PLA2R1: variants seen among roughly 807,000 people sequenced by gnomAD.
PLA2R1 encodes the protein secretory phospholipase A2 receptor.
Under a neutral mutation model 195.9 loss-of-function variants are expected in PLA2R1, and 158 were observed. The ratio of observed to expected loss-of-function variants is 0.81; its 90% CI spans 0.71 to 0.92. The LOEUF is 0.92. Ranked by LOEUF, PLA2R1 falls within the 40% of genes least tolerant of loss-of-function variation. The pLI is 0.00. For synonymous variants in PLA2R1, 586 were observed against 598.2 expected (o/e 0.98, Z 0.30); for missense variants, 1,626 against 1,764.6 (o/e 0.92, Z 1.41).
intron 11 of PLA2R1, among the ~76,000 whole-genome samples, chr2:159,991,631 A>G (rs532991970): frequency 1.9e-5 from 2 of 107,532 alleles, no homozygotes; most frequent in South Asian, 7.1e-4. Flanking sequence ...ACCCCACAAC[A>G]GTCCCCAGAG....
chr2:159,947,982 T>C (rs1447065846), intron 25 of PLA2R1, among the ~76,000 whole-genome samples: 1 of 152,194 alleles, frequency 6.6e-6, no homozygotes, highest in African/African-American at 2.4e-5. Context: ...GAAAAGTCCT[T>C]ACCCACTAAT....
intron 6 of PLA2R1, among the ~76,000 whole-genome samples, chr2:160,025,602 A>AAAAAAAAAAAC: frequency 6.7e-6 from 1 of 150,044 alleles, no homozygotes; most frequent in Non-Finnish European, 1.5e-5. Context: ...AAAAAAAAAA[A>AAAAAAAAAAAC]AAAAAAAACT....
chr2:159,973,629 C>G (rs1472435003), intron 17 of PLA2R1, among the ~76,000 whole-genome samples: 1 of 152,166 alleles, frequency 6.6e-6, no homozygotes, highest in East Asian at 1.9e-4. Context: ...TTTCCAGCCT[C>G]CAGGACTGTG....
intron 3 of PLA2R1, among the ~76,000 whole-genome samples, chr2:160,041,209 T>C (rs1439447439): frequency 6.6e-6 from 1 of 152,232 alleles, no homozygotes; most frequent in Non-Finnish European, 1.5e-5. Context: ...ATTTATTTGT[T>C]GCATTTTATA....
intron 20 of PLA2R1, among the ~76,000 whole-genome samples, chr2:159,964,958 T>C (rs981565054): frequency 2.0e-5 from 3 of 151,870 alleles, no homozygotes; most frequent in African/African-American, 4.8e-5. Context: ...ACCTGGGAGA[T>C]AAAGGTTGCA....
intron 27 of PLA2R1, 161 bp downstream of exon 27, chr2:159,946,640 A>G: frequency 7.3e-7 from 1 of 1,368,052 alleles, no homozygotes; most frequent in Non-Finnish European, 9.4e-7. Context: ...GGTAAAGAAA[A>G]GGGTTGCAAT....
chr2:160,014,951 C>T (rs544794210), intron 9 of PLA2R1, among the ~76,000 whole-genome samples: 25 of 152,050 alleles, frequency 1.6e-4, no homozygotes, highest in Non-Finnish European at 2.5e-4. Flanking sequence ...ATAATGTATT[C>T]TTCTTCATTA....
At chr2:159,967,773 T>G in intron 19 of PLA2R1, 95 bp from the exon 20 acceptor site, 1 of 1,009,294 alleles carries the variant, frequency 9.9e-7, no homozygotes, top group African/African-American at 1.7e-5. Flanking sequence ...GCTATGGTTT[T>G]TCATAATTTA....
chr2:159,925,172 T>G, the PLA2R1 span, among the ~76,000 whole-genome samples: 1 of 143,168 alleles, frequency 7.0e-6, no homozygotes, highest in Admixed American at 7.1e-5. Flanking sequence ...CTAACTCTTA[T>G]TTTCCACGTC....
intron 11 of PLA2R1, among the ~76,000 whole-genome samples, chr2:159,990,672 T>G (rs1276156091): frequency 2.0e-5 from 3 of 152,214 alleles, no homozygotes; most frequent in Non-Finnish European, 4.4e-5. Context: ...AAGGCAAGTT[T>G]CCTGCAATGC....
chr2:159,982,332 G>C (rs1690009138), intron 13 of PLA2R1, among the ~76,000 whole-genome samples: 1 of 152,144 alleles, frequency 6.6e-6, no homozygotes, highest in African/African-American at 2.4e-5. Flanking sequence ...AGCAGCTCTG[G>C]TGTGAGGCCA....
At position 159,987,075 on chromosome 2, in the gene PLA2R1, G is replaced by C. The variant is rs140513135; in HGVS notation, c.2037+81C>G. The C allele has an allele frequency of 1.4e-3, 1,595 of 1,134,672 alleles. 11 individuals are homozygous for C. In the African/African-American group the frequency reaches 0.022, roughly 15 times the overall value. The allele number at this position is 1,134,672 out of a possible 1,614,324, so 70.3% of individuals were successfully genotyped here. A position where few individuals can be genotyped will look rare whatever the true frequency, so the allele number is the denominator to read the frequency against. On this transcript the variant is annotated intron_variant, in intron 12 of 29. Transcript: ENST00000283243. ...TGTTCTGGAAAAAAAAAGGGCCCCGGAATAAAGGAATTTGGGATACATGGA... is the reference window on the plus strand; with the variant it reads ...TGTTCTGGAAAAAAAAAGGGCCCCGCAATAAAGGAATTTGGGATACATGGA...
In PLA2R1 at chr2:160,020,246, A is replaced by G. The variant is rs757024812; in HGVS notation, c.1312T>C (p.Trp438Arg). 1 of 1,607,774 alleles carries G rather than the reference A, an allele frequency of 6.2e-7. No homozygotes were observed. The highest frequency in any genetic ancestry group is 2.2e-5 in the East Asian group (1 of 44,858). The change falls in exon 8 of 30, where the codon TGG (tryptophan) becomes CGG (arginine). Residue 438 changes from tryptophan to arginine, a missense_variant. Trp to Arg is a moderately radical substitution (Grantham distance 101, BLOSUM62 -3). Transcript: ENST00000283243. Reference protein sequence around the residue: ...LLGDENASETWIGLSSNKIPV... With the variant: ...LLGDENASETRIGLSSNKIPV... Reference sequence around the variant, plus strand: ...ATTTTATTGCTGCTCAAACCAATCCATGTTTCTGATGCATTTTCTGTAAGA... The same window carrying G: ...ATTTTATTGCTGCTCAAACCAATCCGTGTTTCTGATGCATTTTCTGTAAGA...
At position 159,941,791 on chromosome 2, in the gene PLA2R1, T is replaced by C. The variant is rs1687095574; in HGVS notation, c.4379A>G (p.Lys1460Arg). Reference sequence around the variant, plus strand: ...CTGACCTCATTATTATTGGTCACTCTTCTCAAGATCAGAAATGAGAATATT... The same window carrying C: ...CTGACCTCATTATTATTGGTCACTCCTCTCAAGATCAGAAATGAGAATATT... ...EENILISDLEKSDQ is the reference protein window; with the variant it reads ...EENILISDLERSDQ Residue 1460 changes from lysine to arginine, a missense_variant, in exon 30 of 30, where the codon AAG (lysine) becomes AGG (arginine). By Grantham distance (26) the Lys-to-Arg change is conservative. Transcript: ENST00000283243. The C allele has an allele frequency of 1.9e-6, 3 of 1,587,452 alleles. No homozygotes were observed. The highest frequency in any genetic ancestry group is 2.6e-6 in the Non-Finnish European group (3 of 1,156,176).
At chr2:160,009,190 C>A (rs892108898) in intron 10 of PLA2R1, among the ~76,000 whole-genome samples, 1 of 152,204 alleles carries the variant, frequency 6.6e-6, no homozygotes, top group African/African-American at 2.4e-5. Flanking sequence ...TATGATCCAG[C>A]AATTTCACTT....
intron 11 of PLA2R1, among the ~76,000 whole-genome samples, chr2:159,992,169 G>A (rs1488481681): frequency 6.6e-6 from 1 of 151,208 alleles, no homozygotes; most frequent in Non-Finnish European, 1.5e-5. Context: ...ACTGGTGTGA[G>A]ATGGGTATCT....
intron 10 of PLA2R1, among the ~76,000 whole-genome samples, chr2:160,010,233 T>C (rs891609625): frequency 7.2e-5 from 11 of 152,272 alleles, no homozygotes; most frequent in African/African-American, 1.9e-4. Flanking sequence ...CTATGGCTGA[T>C]TGATTCAAAA....
intron 6 of PLA2R1, among the ~76,000 whole-genome samples, chr2:160,026,206 G>A (rs1693515424): frequency 6.6e-6 from 1 of 152,170 alleles, no homozygotes; most frequent in Admixed American, 6.5e-5. Context: ...AAGAAGTAAA[G>A]AGACTTGACA....
chr2:159,948,636 T>C (rs1175470038), intron 25 of PLA2R1, among the ~76,000 whole-genome samples: 2 of 102,408 alleles, frequency 2.0e-5, no homozygotes, highest in African/African-American at 3.5e-5. Context: ...AAAAGGCAAG[T>C]GCTAACAAAA....
Sources: allele counts gnomAD v4.1 joint callset (sites outside exome capture counted in the v4.1 genomes callset), GRCh38; gene constraint gnomAD v4.1.1; transcripts MANE v1.5; gene names NCBI Gene and HGNC (gene_info 2026-07-23, HGNC 2026-07-21).